The following ARAF variants were observed in gnomAD, a reference collection of about 807,000 sequenced individuals.
ARAF encodes A-Raf proto-oncogene, serine/threonine kinase.
In ARAF, 18 loss-of-function variants were observed where a neutral mutation model predicts 48.0. That is an observed-to-expected ratio of 0.37 (90% CI 0.26 to 0.56). The LOEUF (loss-of-function observed/expected upper bound fraction) is 0.56, where lower values mean the gene tolerates loss of function less well. ARAF is among the 20% of genes least tolerant of loss of function. ARAF has a pLI of 0.77. For synonymous variants in ARAF, 207 were observed against 220.1 expected (o/e 0.94, Z 0.53); for missense variants, 389 against 543.1 (o/e 0.72, Z 2.82).
Position 47,564,995 on chromosome X carries a change from CCTT to C in ARAF, c.319_321del (p.Phe107del), listed in dbSNP as rs772013716. The C allele has an allele frequency of 3.6e-5, 44 of 1,210,401 alleles. No homozygotes were observed. The highest frequency in any genetic ancestry group is 8.9e-5 in the East Asian group (3 of 33,768). ...GCTCTGTGGCATCAGGTACGGAAGA[CCTT>C]CTTCAGCCTGGCGTTCTGTGACTTC... On this transcript the variant is annotated inframe_deletion, in exon 5 of 16. Transcript: ENST00000377045.
intron 1 of ARAF, among the ~76,000 whole-genome samples, chrX:47,561,859 C>T (rs2057709974): frequency 9.2e-6 from 1 of 108,304 alleles, no homozygotes; most frequent in Admixed American, 9.9e-5. Flanking sequence ...GGTGGTCCAC[C>T]ATTACCTCCC....
At chrX:47,571,247 G>A (rs1036072024) in intron 15 of ARAF, 76 bp from the exon 16 acceptor site, 62 of 1,035,139 alleles carry the variant, frequency 6.0e-5, no homozygotes, top group Non-Finnish European at 7.8e-5. Context: ...GTGTGTGTGT[G>A]TTTCGCCATG....
chrX:47,567,492 A>G (rs1189445267), intron 10 of ARAF, 60 bp downstream of exon 10: 9 of 1,103,040 alleles, frequency 8.2e-6, no homozygotes, highest in Non-Finnish European at 1.1e-5. Flanking sequence ...TCTCTCTGGG[A>G]AAAGGCCATG....
In ARAF at chrX:47,569,683, G is replaced by T. The variant is rs201555958; in HGVS notation, c.1419+26G>T. 2.2e-5 allele frequency: 26 copies of T among 1,178,372 alleles called. No homozygotes were observed. In the East Asian group the frequency reaches 7.8e-4, roughly 35 times the overall value. On this transcript the variant is annotated intron_variant, in intron 13 of 15. Transcript: ENST00000377045. ...GTGAGTTGGGCCAGGCTGGATGGGGGGCACATGGGGACGTGGGCTCCGGGA... is the reference window on the plus strand; with the variant it reads ...GTGAGTTGGGCCAGGCTGGATGGGGTGCACATGGGGACGTGGGCTCCGGGA...
At chrX:47,565,378 T>C in intron 6 of ARAF, 28 bp downstream of exon 6, 1 of 1,197,383 alleles carries the variant, frequency 8.4e-7, no homozygotes, top group Non-Finnish European at 1.1e-6. Context: ...GAAGAGCTGC[T>C]GGGGGAGAAA....
chrX:47,565,526 T>A, intron 6 of ARAF, 176 bp downstream of exon 6: 2 of 738,526 alleles, frequency 2.7e-6, no homozygotes, highest in Non-Finnish European at 3.8e-6. Context: ...TCTCTGGGCC[T>A]CAGTTTTCTC....
rs761115487 is a variant in ARAF, at chrX:47,563,000, G to A, written c.33G>A (p.Gly11=). 1.9e-5 allele frequency: 23 copies of A among 1,193,185 alleles called. No homozygotes were observed. The South Asian group carries it at 3.7e-4, about 19-fold the overall frequency. Residue 11 remains glycine, a synonymous_variant, in exon 2 of 16, where the codon GGG becomes GGA. Transcript: ENST00000377045. MEPPRGPPAN[G]AEPSRAVGTV... is the part of the protein sequence containing the mutation. ...CACCACGGGGCCCCCCTGCCAATGG[G>A]GCCGAGCCATCCCGGGCAGTGGGCA... is the stretch of plus-strand genomic sequence containing the variant.
chrX:47,568,493 C>T (rs915375926), intron 10 of ARAF, among the ~76,000 whole-genome samples: 2 of 110,227 alleles, frequency 1.8e-5, no homozygotes, highest in African/African-American at 3.3e-5. Flanking sequence ...TTGGGAGACT[C>T]GGATGGGGAA....
chrX:47,571,352 G>T lies in ARAF; in HGVS notation c.1716G>T (p.Arg572=). Reference sequence around the variant, plus strand: ...TGGCCACAATTGAGCTGCTGCAACGGTCACTCCCCAAGATTGAGCGGAGTG... The same window carrying T: ...TGGCCACAATTGAGCTGCTGCAACGTTCACTCCCCAAGATTGAGCGGAGTG... ...QILATIELLQ[R]SLPKIERSAS... is the part of the protein sequence containing the mutation. Residue 572 remains arginine (R), a synonymous_variant, in exon 16 of 16, where the codon CGG becomes CGT. Transcript: ENST00000377045. 6.6e-6 allele frequency: 8 copies of T among 1,210,634 alleles called. No individual in the cohort carries two copies. The South Asian group carries it at 1.4e-4, about 21-fold the overall frequency.
At chrX:47,562,481 G>A (rs1457303318) in intron 1 of ARAF, among the ~76,000 whole-genome samples, 3 of 75,405 alleles carry the variant, frequency 4.0e-5, no homozygotes, top group East Asian at 4.7e-4. Context: ...GCGAAACTCT[G>A]TCAGAAAAAA....
At chrX:47,569,067 G>A (rs1457254774) in intron 12 of ARAF, 34 bp downstream of exon 12, 2 of 1,173,193 alleles carry the variant, frequency 1.7e-6, no homozygotes, top group South Asian at 1.9e-5. Flanking sequence ...GGTTGAGTGG[G>A]GGTGTCAAGG....
chrX:47,571,141 G>A, intron 15 of ARAF, 129 bp downstream of exon 15: 1 of 905,432 alleles, frequency 1.1e-6, no homozygotes, highest in Non-Finnish European at 1.5e-6. Context: ...GTGTGTGTGT[G>A]TTTCACCATG....
intron 2 of ARAF, 33 bp from the exon 3 acceptor site, chrX:47,563,193 A>C: frequency 8.4e-7 from 1 of 1,184,733 alleles, no homozygotes; most frequent in Non-Finnish European, 1.1e-6. Flanking sequence ...TCTGTTGGGC[A>C]TTGAGGACCC....
At chrX:47,567,958 C>T (rs758605550) in intron 10 of ARAF, among the ~76,000 whole-genome samples, 1 of 111,390 alleles carries the variant, frequency 9.0e-6, no homozygotes, top group South Asian at 3.8e-4. Flanking sequence ...CCAGGTGTCT[C>T]CTTTTTGCTG....
rs1173052210 is a variant in ARAF, at chrX:47,569,716, G to T, written c.1419+59G>T. On this transcript the variant is annotated intron_variant, in intron 13 of 15. Transcript: ENST00000377045. ...GGGACGTGGGCTCCGGGATTGGGGT[G>T]TGTGGGGCCAAGTGGGGACGGGGAT... The T allele has an allele frequency of 2.6e-6, 3 of 1,134,372 alleles. No homozygotes were observed. In the African/African-American group the frequency reaches 5.3e-5, roughly 20 times the overall value. 93.5% of individuals were successfully genotyped at this position (1,134,372 alleles called of 1,213,427 possible). A position where few individuals can be genotyped will look rare whatever the true frequency, so the allele number is the denominator to read the frequency against.
At chrX:47,562,825 A>C in intron 1 of ARAF, 84 bp from the exon 2 acceptor site, 1 of 483,301 alleles carries the variant, frequency 2.1e-6, no homozygotes, top group Non-Finnish European at 3.5e-6. Context: ...AGGAGCCTGG[A>C]CTTTGAATTT....
intron 15 of ARAF, 103 bp from the exon 16 acceptor site, chrX:47,571,220 T>C: frequency 1.2e-5 from 5 of 417,762 alleles, no homozygotes; most frequent in Non-Finnish European, 1.6e-5. Flanking sequence ...TGGGTGTGTG[T>C]GTGTGTGTGT....
At position 47,568,952 on chromosome X, in the gene ARAF, C is replaced by A. The variant is rs756419246; in HGVS notation, c.1254-35C>A. 22 of 1,198,512 alleles carry A rather than the reference C, an allele frequency of 1.8e-5. No individual in the cohort carries two copies. The Admixed American group carries it at 4.9e-4, about 27-fold the overall frequency. ...AAAGGGTGGGGGAAATGAGGTAACC[C>A]CCAGCCAATCCGCCACCTGCCTCCA... On this transcript the variant is annotated intron_variant, in intron 11 of 15. Coordinates refer to ENST00000377045, the MANE Select transcript of ARAF (RefSeq NM_001654.5).
intron 6 of ARAF, 61 bp downstream of exon 6, chrX:47,565,411 C>A: frequency 8.6e-7 from 1 of 1,161,383 alleles, no homozygotes; most frequent in Non-Finnish European, 1.1e-6. Flanking sequence ...CTCTTGTAGA[C>A]CACGAGCCAT....
Sources: allele counts gnomAD v4.1 joint callset (sites outside exome capture counted in the v4.1 genomes callset), GRCh38; gene constraint gnomAD v4.1.1; transcripts MANE v1.5; gene names NCBI Gene and HGNC (gene_info 2026-07-23, HGNC 2026-07-21).